The following CELF2 variants were observed in gnomAD, a reference collection of about 807,000 sequenced individuals.
CELF2 encodes the protein CUGBP Elav-like family member 2.
CELF2 carries 8 observed loss-of-function variants against 62.6 expected under a neutral mutation model. That is an observed-to-expected ratio of 0.13 (90% CI 0.07 to 0.23). CELF2 has a LOEUF of 0.23. Among genes scored for constraint, CELF2 ranks in the 10% least tolerant of loss-of-function variants. The pLI is 1.00. For missense variants in CELF2, 333 were observed against 671.0 expected, an observed-to-expected ratio of 0.50 and a Z score of 5.56; for synonymous variants, 258 against 250.0, an observed-to-expected ratio of 1.03 and a Z score of -0.30.
Position 11,110,533 on chromosome 10 carries a change from G to C in CELF2, c.75-54953G>C, listed in dbSNP as rs139340560. On this transcript the variant is annotated intron_variant, in intron 1 of 12. Transcript: ENST00000633077. The surrounding 1 kb of genome is among the most constrained non-coding windows in gnomAD (Gnocchi z 4.0). ...GATTGATGAAATACACTAATGCATGGAGTAGAAACAGAGGGGCTTTAATGG... is the reference window on the plus strand; with the variant it reads ...GATTGATGAAATACACTAATGCATGCAGTAGAAACAGAGGGGCTTTAATGG... 7.2e-5 allele frequency among the ~76,000 whole-genome samples: 11 copies of C among 152,270 alleles called. No individual in the cohort carries two copies. In the South Asian group the frequency reaches 2.3e-3, roughly 32 times the overall value.
At position 11,157,403 on chromosome 10, in the gene CELF2, C is replaced by T. The variant is rs1246718860; in HGVS notation, c.75-8083C>T. Among the ~76,000 whole-genome samples, 2 of 125,598 alleles carry T rather than the reference C, an allele frequency of 1.6e-5. No individual in the cohort carries two copies. Among genetic ancestry groups the T allele is most frequent in the African/African-American group, 6.0e-5 (2 of 33,358 alleles). 82.4% of individuals were successfully genotyped at this position (125,598 alleles called of 152,430 possible). A position where few individuals can be genotyped will look rare whatever the true frequency, so the allele number is the denominator to read the frequency against. On this transcript the variant is annotated intron_variant, in intron 1 of 12. Transcript: ENST00000633077. This position sits in a 1 kb window ranked among gnomAD's most constrained non-coding sequence, Gnocchi z 4.9. ...TATCCGCCCTCCCCCCACACACACA[C>T]ACACAAAAATTTCACTTAAACATTG...
chr10:11,249,049 T>C (rs1021456427), intron 3 of CELF2, 104 bp from the exon 4 acceptor site: 21 of 868,214 alleles, frequency 2.4e-5, no homozygotes, highest in Middle Eastern at 2.2e-4. Flanking sequence ...TGTTGTCACT[T>C]ATGTGCCCTT....
intron 2 of CELF2, among the ~76,000 whole-genome samples, chr10:11,186,475 C>T (rs1362759281): frequency 1.3e-5 from 2 of 151,962 alleles, no homozygotes; most frequent in Non-Finnish European, 2.9e-5. Flanking sequence ...TATAATTCCT[C>T]CTAAGTACCA....
At chr10:10,777,636 C>T in the CELF2 span, among the ~76,000 whole-genome samples, 2 of 152,186 alleles carry the variant, frequency 1.3e-5, no homozygotes, top group Non-Finnish European at 2.9e-5. Context: ...AATCTTTCTT[C>T]GTTCCAGTCC....
chr10:10,803,879 C>G (rs1205362161), intron 1 of CELF2, among the ~76,000 whole-genome samples: 2 of 152,178 alleles, frequency 1.3e-5, no homozygotes, highest in African/African-American at 4.8e-5. Context: ...CTACTTTATA[C>G]TCACTCCATG....
Position 11,259,214 on chromosome 10 carries a change from T to C in CELF2, c.538+1342T>C, listed in dbSNP as rs1040067411. On this transcript the variant is annotated intron_variant, in intron 5 of 12. Transcript: ENST00000633077. ...CTTCACCCTTCTCACTAGTTTGACC[T>C]GACTTCAGCACCATGTGAGGAAGAA... Among the ~76,000 whole-genome samples, 78 of 152,252 alleles carry C rather than the reference T, an allele frequency of 5.1e-4. 3 individuals are homozygous for C.
the CELF2 span, among the ~76,000 whole-genome samples, chr10:10,685,088 T>C: frequency 6.6e-6 from 1 of 152,078 alleles, no homozygotes; most frequent in African/African-American, 2.4e-5. Context: ...GCAAGTTAAG[T>C]GCAGTGGTAA....
At chr10:10,949,433 C>T (rs746306948) in intron 2 of CELF2, among the ~76,000 whole-genome samples, 1 of 151,980 alleles carries the variant, frequency 6.6e-6, no homozygotes, top group African/African-American at 2.4e-5. Context: ...GCCATCATGC[C>T]GCAGAGGAGG....
intron 3 of CELF2, among the ~76,000 whole-genome samples, chr10:11,225,282 C>T (rs1363208714): frequency 6.6e-6 from 1 of 152,144 alleles, no homozygotes; most frequent in Non-Finnish European, 1.5e-5. Flanking sequence ...CATTACTTCC[C>T]ATTAACACTC....
chr10:11,212,427 C>G (rs533416160), intron 2 of CELF2, among the ~76,000 whole-genome samples: 51 of 152,314 alleles, frequency 3.3e-4, no homozygotes, highest in African/African-American at 1.1e-3. Flanking sequence ...CCTAAGGGCC[C>G]TGCTAGATGT....
intron 1 of CELF2, among the ~76,000 whole-genome samples, chr10:11,126,746 C>A (rs2058765652): frequency 6.6e-6 from 1 of 152,136 alleles, no homozygotes; most frequent in South Asian, 2.1e-4. Flanking sequence ...ATATACATTT[C>A]TGGTAGTTAG....
At chr10:10,927,047 A>G (rs1450846337) in intron 2 of CELF2, 2 of 151,920 alleles carry the variant, frequency 1.3e-5, no homozygotes, top group African/African-American at 4.8e-5. Flanking sequence ...TGGCCTCTGC[A>G]GGTTGAGGTG....
the CELF2 span, among the ~76,000 whole-genome samples, chr10:10,570,679 T>C: frequency 3.3e-5 from 5 of 151,822 alleles, no homozygotes; most frequent in Middle Eastern, 3.4e-3. Flanking sequence ...AATATAAGAG[T>C]AGCACAGTTA....
In CELF2 at chr10:11,328,787, C is replaced by A; in HGVS notation, c.1439-139C>A. ...CATCCACTCACGGTGGACTCACGAT[C>A]AGTTCCGCAGAGCTGTGCTGGGCCC... is the stretch of plus-strand genomic sequence containing the variant. On this transcript the variant is annotated intron_variant, in intron 12 of 12. Coordinates refer to ENST00000633077, the MANE Select transcript of CELF2 (RefSeq NM_001326342.2). The surrounding 1 kb of genome is among the most constrained non-coding windows in gnomAD (Gnocchi z 6.4). 1 of 867,178 alleles carries A rather than the reference C, an allele frequency of 1.2e-6. No individual in the cohort carries two copies. The highest frequency in any genetic ancestry group is 1.7e-6 in the Non-Finnish European group (1 of 590,644). 53.7% of individuals were successfully genotyped at this position (867,178 alleles called of 1,614,324 possible).
At chr10:10,767,685 T>TGGGAA in the CELF2 span, among the ~76,000 whole-genome samples, 1 of 151,866 alleles carries the variant, frequency 6.6e-6, no homozygotes, top group Non-Finnish European at 1.5e-5. Context: ...AACCCAACCG[T>TGGGAA]GGGAAGTAAG....
intron 2 of CELF2, among the ~76,000 whole-genome samples, chr10:10,940,306 T>G (rs566632345): frequency 2.0e-5 from 3 of 152,174 alleles, no homozygotes; most frequent in Admixed American, 6.5e-5. Context: ...TCAAGATAAA[T>G]CAGTTCCCAG....
At chr10:10,649,932 AT>A in the CELF2 span, among the ~76,000 whole-genome samples, 1 of 151,806 alleles carries the variant, frequency 6.6e-6, no homozygotes, top group Non-Finnish European at 1.5e-5. Flanking sequence ...CAGCGGGATG[AT>A]TTAAGTGGCC....
chr10:10,778,194 G>A, the CELF2 span, among the ~76,000 whole-genome samples: 1 of 152,176 alleles, frequency 6.6e-6, no homozygotes, highest in Non-Finnish European at 1.5e-5. Flanking sequence ...TAGTGAAGGT[G>A]GGGAAGATTT....
chr10:10,619,341 G>T, the CELF2 span, among the ~76,000 whole-genome samples: 3 of 152,196 alleles, frequency 2.0e-5, no homozygotes, highest in African/African-American at 7.2e-5. Flanking sequence ...GTAGGTAGTA[G>T]TAGGTATTTG....
Sources: gnomAD v4.1 joint callset for allele counts (sites outside exome capture counted in the v4.1 genomes callset) on GRCh38, gnomAD v4.1.1 for gene constraint, Gnocchi (gnomAD v3.1) non-coding constraint, MANE v1.5 for transcripts, NCBI Gene and HGNC (gene_info 2026-07-23, HGNC 2026-07-21) for gene names.